SLC35F4: variants seen among roughly 807,000 people sequenced by gnomAD.
SLC35F4 encodes the protein chromosome 14 open reading frame 36.
Under a neutral mutation model 44.2 loss-of-function variants are expected in SLC35F4, and 24 were observed. That is an observed-to-expected ratio of 0.54 (90% CI 0.39 to 0.76). The LOEUF is 0.76. Among genes scored for constraint, SLC35F4 ranks in the 30% least tolerant of loss-of-function variants. The pLI is 0.00. For synonymous variants in SLC35F4, 238 were observed against 223.6 expected, an observed-to-expected ratio of 1.06 and a Z score of -0.57; for missense variants, 562 against 586.1, an observed-to-expected ratio of 0.96 and a Z score of 0.42.
chr14:57,637,752 G>C (rs556845013), intron 1 of SLC35F4, among the ~76,000 whole-genome samples: 36 of 152,176 alleles, frequency 2.4e-4, no homozygotes, highest in African/African-American at 8.2e-4. Context: ...ACTAGGGCAT[G>C]AAGCTACCTG....
chr14:57,631,717 G>A (rs114135852), intron 1 of SLC35F4, among the ~76,000 whole-genome samples: 2,025 of 152,158 alleles, frequency 0.013, 45 homozygotes, highest in African/African-American at 0.046. Context: ...GATCTTCTGA[G>A]TTTTTGATTA....
At chr14:57,645,902 T>G (rs1219971915) in intron 1 of SLC35F4, among the ~76,000 whole-genome samples, 1 of 152,120 alleles carries the variant, frequency 6.6e-6, no homozygotes, top group African/African-American at 2.4e-5. Context: ...TGTCTTTGGT[T>G]CCGTTTATAT....
intron 1 of SLC35F4, among the ~76,000 whole-genome samples, chr14:57,966,783 G>A (rs1472454653): frequency 6.6e-6 from 1 of 152,190 alleles, no homozygotes; most frequent in South Asian, 2.1e-4. Context: ...ACCAAGGCAG[G>A]TGGATCACCT....
At chr14:57,781,296 C>G (rs2077615281) in intron 1 of SLC35F4, among the ~76,000 whole-genome samples, 1 of 152,006 alleles carries the variant, frequency 6.6e-6, no homozygotes, top group Non-Finnish European at 1.5e-5. Context: ...TACATGTGCC[C>G]AACAAGCATA....
chr14:57,930,330 G>T (rs1288139928), intron 1 of SLC35F4, among the ~76,000 whole-genome samples: 2 of 152,098 alleles, frequency 1.3e-5, no homozygotes, highest in East Asian at 3.9e-4. Flanking sequence ...GGGATGCTTG[G>T]CATCTTCTGA....
At chr14:57,969,922 C>T (rs1332150335) in intron 1 of SLC35F4, among the ~76,000 whole-genome samples, 1 of 152,060 alleles carries the variant, frequency 6.6e-6, no homozygotes, top group Admixed American at 6.6e-5. Flanking sequence ...TCACTGGGAG[C>T]CCCCACAAAA....
chr14:57,956,494 T>C (rs911193271), intron 1 of SLC35F4, among the ~76,000 whole-genome samples: 7 of 151,898 alleles, frequency 4.6e-5, no homozygotes, highest in Non-Finnish European at 8.8e-5. Flanking sequence ...ATCATCAGAG[T>C]GAACAGGCAA....
intron 1 of SLC35F4, among the ~76,000 whole-genome samples, chr14:57,910,952 C>A (rs1253407918): frequency 6.6e-6 from 1 of 151,938 alleles, no homozygotes; most frequent in Non-Finnish European, 1.5e-5. Context: ...TATCTTTTAT[C>A]AGAGATTTGT....
intron 1 of SLC35F4, among the ~76,000 whole-genome samples, chr14:57,904,419 G>C (rs1437088040): frequency 1.3e-5 from 2 of 152,202 alleles, no homozygotes; most frequent in Admixed American, 1.3e-4. Flanking sequence ...GTAATGGTCA[G>C]AGCAATTACA....
At chr14:57,921,676 C>A (rs1369470304) in intron 1 of SLC35F4, among the ~76,000 whole-genome samples, 8 of 152,246 alleles carry the variant, frequency 5.3e-5, no homozygotes, top group Middle Eastern at 3.4e-3. Context: ...CTGCTGGCAG[C>A]CATCTTCTCC....
chr14:57,939,187 G>A (rs949353677), intron 1 of SLC35F4, among the ~76,000 whole-genome samples: 2 of 152,050 alleles, frequency 1.3e-5, no homozygotes, highest in Non-Finnish European at 2.9e-5. Flanking sequence ...TGTTGGTTTG[G>A]TAAGGTTCCA....
rs576517728 is a variant in SLC35F4, at chr14:57,792,789, G to C, written c.103+72934C>G. ...GGGACTCAAGGGGAAAGGTGGGAGG[G>C]GGGTGAGGGATAAAAGACTACACAC... On this transcript the variant is annotated intron_variant, in intron 1 of 7. Coordinates refer to ENST00000556826, the MANE Select transcript of SLC35F4 (RefSeq NM_001306087.2). 3.4e-4 allele frequency among the ~76,000 whole-genome samples: 52 copies of C among 152,154 alleles called. 1 individual carries two copies. The highest frequency in any genetic ancestry group is 1.2e-3 in the African/African-American group (49 of 41,534).
At chr14:57,923,078 C>T (rs1367593412) in intron 1 of SLC35F4, among the ~76,000 whole-genome samples, 1 of 152,084 alleles carries the variant, frequency 6.6e-6, no homozygotes, top group Non-Finnish European at 1.5e-5. Flanking sequence ...AGAACAGTGG[C>T]TTAGAAAGGT....
chr14:57,695,146 C>G (rs531626605), intron 1 of SLC35F4, among the ~76,000 whole-genome samples: 1 of 152,036 alleles, frequency 6.6e-6, no homozygotes, highest in Non-Finnish European at 1.5e-5. Context: ...AAAGCAATGG[C>G]AACAAAAGCC....
intron 1 of SLC35F4, among the ~76,000 whole-genome samples, chr14:57,826,302 C>T (rs1883757953): frequency 6.6e-6 from 1 of 152,140 alleles, no homozygotes; most frequent in African/African-American, 2.4e-5. Flanking sequence ...GAAGAGCTGG[C>T]TGGCCATATG....
chr14:57,777,870 G>A (rs545201775), intron 1 of SLC35F4, among the ~76,000 whole-genome samples: 1 of 152,168 alleles, frequency 6.6e-6, no homozygotes, highest in African/African-American at 2.4e-5. Flanking sequence ...CATCTCACAT[G>A]GAATGACACC....
chr14:57,813,902 G>A (rs559823840), intron 1 of SLC35F4, among the ~76,000 whole-genome samples: 30 of 152,280 alleles, frequency 2.0e-4, no homozygotes, highest in Admixed American at 1.6e-3. Context: ...TCCATGCTCT[G>A]GGGTTGTATC....
chr14:57,572,253 ATT>A (rs932700951), intron 4 of SLC35F4, among the ~76,000 whole-genome samples: 2 of 152,144 alleles, frequency 1.3e-5, no homozygotes, highest in Non-Finnish European at 2.9e-5. Context: ...TAATTTTATT[ATT>A]TTTAATATAT....
At chr14:57,886,990 A>G (rs149837363) in intron 1 of SLC35F4, among the ~76,000 whole-genome samples, 28 of 152,176 alleles carry the variant, frequency 1.8e-4, no homozygotes, top group African/African-American at 6.0e-4. Flanking sequence ...TCCATTTCCA[A>G]TGTCACTCTG....
Sources: allele counts gnomAD v4.1 joint callset (sites outside exome capture counted in the v4.1 genomes callset), GRCh38; gene constraint gnomAD v4.1.1; transcripts MANE v1.5; gene names NCBI Gene and HGNC (gene_info 2026-07-23, HGNC 2026-07-21).